The following MAP3K3 variants were observed in gnomAD, a reference collection of about 807,000 sequenced individuals.
MAP3K3 encodes the protein mitogen-activated protein kinase kinase kinase 3.
Under a neutral mutation model 80.9 loss-of-function variants are expected in MAP3K3, and 12 were observed. That is an observed-to-expected ratio of 0.15 (90% confidence interval 0.10 to 0.24). The LOEUF is 0.24. Among genes scored for constraint, MAP3K3 ranks in the 10% least tolerant of loss-of-function variants. MAP3K3 has a pLI of 1.00. For missense variants in MAP3K3, 596 were observed against 834.7 expected (o/e 0.71, Z 3.52); for synonymous variants, 272 against 307.1 (o/e 0.89, Z 1.19).
At chr17:63,687,350 C>CA (rs377122391) in intron 8 of MAP3K3, among the ~76,000 whole-genome samples, 41,419 of 132,978 alleles carry the variant, frequency 0.31, 6,360 homozygotes, top group African/African-American at 0.42. Flanking sequence ...CTAAAAAATA[C>CA]AAAAAAAAAA....
At chr17:63,651,255 G>T (rs2034649775) in intron 3 of MAP3K3, among the ~76,000 whole-genome samples, 1 of 152,104 alleles carries the variant, frequency 6.6e-6, no homozygotes, top group Non-Finnish European at 1.5e-5. Context: ...AGGCCGACGT[G>T]GGAGGATTGC....
At chr17:63,690,740 G>A (rs1009899321) in intron 12 of MAP3K3, 4 of 439,144 alleles carry the variant, frequency 9.1e-6, no homozygotes, top group South Asian at 8.9e-5. Flanking sequence ...CCAGGAAGGA[G>A]CTGTGGGGCT....
chr17:63,695,135 G>T lies in MAP3K3; in HGVS notation c.*1358G>T, dbSNP rs2035666868. The T allele has an allele frequency of 6.6e-6, 1 of 151,718 alleles. No individual in the cohort carries two copies. The highest frequency in any genetic ancestry group is 1.9e-4 in the East Asian group (1 of 5,158). 9.4% of individuals were successfully genotyped at this position (151,718 alleles called of 1,614,324 possible). A position where few individuals can be genotyped will look rare whatever the true frequency, so the allele number is the denominator to read the frequency against. On this transcript the variant is annotated 3_prime_UTR_variant, in exon 16 of 16. Transcript: ENST00000361733. The surrounding 1 kb of genome is among the most constrained non-coding windows in gnomAD (Gnocchi z 4.1). Reference sequence around the variant, plus strand: ...CAGTGCCCAGGGATGGGCATCTCCAGGGAGCTGGGGATTAGTGCCAGGCAG... The same window carrying T: ...CAGTGCCCAGGGATGGGCATCTCCATGGAGCTGGGGATTAGTGCCAGGCAG...
intron 6 of MAP3K3, among the ~76,000 whole-genome samples, chr17:63,675,576 G>C (rs868854977): frequency 1.4e-4 from 22 of 152,216 alleles, no homozygotes; most frequent in Non-Finnish European, 7.3e-5. Context: ...TTGGGTTAAG[G>C]AGGCTGGTAG....
chr17:63,634,728 G>C, intron 2 of MAP3K3: 1 of 1,613,800 alleles, frequency 6.2e-7, no homozygotes, highest in Non-Finnish European at 8.5e-7. Context: ...AACAGCAGCA[G>C]CTCAGCCCTT....
chr17:63,649,186 C>G (rs1452831419), intron 3 of MAP3K3, among the ~76,000 whole-genome samples: 3 of 152,106 alleles, frequency 2.0e-5, no homozygotes, highest in Non-Finnish European at 4.4e-5. Flanking sequence ...CCTGTAATCC[C>G]AGCACTTTGG....
chr17:63,668,955 C>G (rs2035050260), intron 6 of MAP3K3, among the ~76,000 whole-genome samples: 1 of 152,084 alleles, frequency 6.6e-6, no homozygotes. Context: ...AGCTGACACT[C>G]CAAGGAAGAT....
intron 6 of MAP3K3, among the ~76,000 whole-genome samples, chr17:63,667,530 A>C (rs187222121): frequency 2.0e-5 from 3 of 152,266 alleles, no homozygotes; most frequent in Admixed American, 2.0e-4. Context: ...AGTTGTCTGG[A>C]AGGAAAGGAG....
chr17:63,631,665 C>G (rs2034218792), intron 1 of MAP3K3, among the ~76,000 whole-genome samples: 1 of 152,100 alleles, frequency 6.6e-6, no homozygotes, highest in Non-Finnish European at 1.5e-5. Flanking sequence ...GGGTTTTGGC[C>G]AGTTGTTTTC....
chr17:63,658,651 C>T (rs1025796473), intron 5 of MAP3K3, among the ~76,000 whole-genome samples: 15 of 152,008 alleles, frequency 9.9e-5, no homozygotes, highest in Admixed American at 2.0e-4. Flanking sequence ...TTTATGTGGA[C>T]AGCCAACATG....
In MAP3K3 at chr17:63,689,780, C is replaced by A; in HGVS notation, c.1063+45C>A. The A allele has an allele frequency of 6.4e-7, 1 of 1,557,454 alleles. No homozygotes were observed. Among genetic ancestry groups the A allele is most frequent in the Non-Finnish European group, 8.7e-7 (1 of 1,146,634 alleles). Reference sequence around the variant, plus strand: ...TAGGAGGAGACTGCCCAGGTGGTCTCAGACAAGCTACGGGGGCAAACAGCT... The same window carrying A: ...TAGGAGGAGACTGCCCAGGTGGTCTAAGACAAGCTACGGGGGCAAACAGCT... On this transcript the variant is annotated intron_variant, in intron 11 of 15. Coordinates refer to ENST00000361733, the MANE Select transcript of MAP3K3 (RefSeq NM_002401.5). This position sits in a 1 kb window ranked among gnomAD's most constrained non-coding sequence, Gnocchi z 4.3.
At chr17:63,663,269 G>C (rs1164647321) in intron 5 of MAP3K3, among the ~76,000 whole-genome samples, 3 of 152,142 alleles carry the variant, frequency 2.0e-5, no homozygotes. Flanking sequence ...TTGGGAGGCT[G>C]AGGTAGGTGG....
intron 2 of MAP3K3, among the ~76,000 whole-genome samples, chr17:63,635,329 A>G (rs1451824634): frequency 6.6e-6 from 1 of 152,210 alleles, no homozygotes; most frequent in African/African-American, 2.4e-5. Context: ...AATCCTACCT[A>G]AGATTTCTGT....
At chr17:63,645,814 G>A (rs1407476889) in intron 2 of MAP3K3, among the ~76,000 whole-genome samples, 1 of 152,178 alleles carries the variant, frequency 6.6e-6, no homozygotes, top group Non-Finnish European at 1.5e-5. Flanking sequence ...AGCCACCTAG[G>A]GATCTTACCC....
intron 6 of MAP3K3, among the ~76,000 whole-genome samples, chr17:63,670,460 C>G (rs1463669750): frequency 6.6e-6 from 1 of 151,566 alleles, no homozygotes. Context: ...GTGAGTGCCT[C>G]TAGTCCCAGC....
intron 7 of MAP3K3, among the ~76,000 whole-genome samples, chr17:63,684,973 T>G (rs775405521): frequency 3.3e-5 from 5 of 152,204 alleles, no homozygotes; most frequent in African/African-American, 4.8e-5. Flanking sequence ...TTTATTATAT[T>G]TAGATATCTA....
chr17:63,690,390 C>T lies in MAP3K3; in HGVS notation c.1190C>T (p.Pro397Leu). 6.2e-7 allele frequency: 1 copy of T among 1,614,126 alleles called. No homozygotes were observed. Among genetic ancestry groups the T allele is most frequent in the African/African-American group, 1.3e-5 (1 of 75,052 alleles). Residue 397 changes from proline to leucine, a missense_variant, in exon 12 of 16, where the codon CCA becomes CTA. Physicochemically the swap from Pro to Leu is moderately conservative, Grantham distance 98. Around this residue, in one of 2 missense-constraint regions of MAP3K3, gnomAD observed 364 missense variants for 588.9 expected, o/e 0.62. Coordinates refer to ENST00000361733, the MANE Select transcript of MAP3K3 (RefSeq NM_002401.5). ...GCTTCCAAGCAGGTCCAATTTGATCCAGACAGTCCTGAGACAAGCAAGGTA... is the reference window on the plus strand; with the variant it reads ...GCTTCCAAGCAGGTCCAATTTGATCTAGACAGTCCTGAGACAAGCAAGGTA... Reference protein sequence around the residue: ...ELASKQVQFDPDSPETSKEVS... With the variant: ...ELASKQVQFDLDSPETSKEVS...
chr17:63,679,607 C>A (rs2035289438), intron 6 of MAP3K3, among the ~76,000 whole-genome samples: 1 of 152,124 alleles, frequency 6.6e-6, no homozygotes, highest in South Asian at 2.1e-4. Flanking sequence ...CTCAGTCTTC[C>A]AAGTAGCTGG....
At chr17:63,688,639 G>A in intron 9 of MAP3K3, 45 bp downstream of exon 9, 1 of 1,574,854 alleles carries the variant, frequency 6.3e-7, no homozygotes, top group Non-Finnish European at 8.7e-7. Context: ...GTGTCTGGGT[G>A]GGGCCTCAGG....
Sources: allele counts gnomAD v4.1 joint callset (sites outside exome capture counted in the v4.1 genomes callset), GRCh38; gene constraint gnomAD v4.1.1; regional missense constraint gnomAD v4.1.1; non-coding constraint Gnocchi (gnomAD v3.1); transcripts MANE v1.5; gene names NCBI Gene and HGNC (gene_info 2026-07-23, HGNC 2026-07-21).